ARHGEF38: variants seen among roughly 807,000 people sequenced by gnomAD.
ARHGEF38 encodes the protein Rho guanine nucleotide exchange factor 38.
Under a neutral mutation model 79.9 loss-of-function variants are expected in ARHGEF38, and 79 were observed. That is an observed-to-expected ratio of 0.99 (90% CI 0.82 to 1.19). ARHGEF38 has a LOEUF of 1.19. Ranked by LOEUF, ARHGEF38 falls within the 50% of genes most tolerant of loss-of-function variation. The probability of loss-of-function intolerance (pLI) is 0.00; values close to 1 mark genes in which losing one functional copy is unlikely to be tolerated. For synonymous variants in ARHGEF38, 366 were observed against 328.3 expected (o/e 1.11, Z -1.24); for missense variants, 962 against 907.2 (o/e 1.06, Z -0.78).
At chr4:105,565,456 T>C (rs976871301) in intron 1 of ARHGEF38, among the ~76,000 whole-genome samples, 7 of 152,082 alleles carry the variant, frequency 4.6e-5, no homozygotes. Flanking sequence ...TTTTTTGGGT[T>C]TATTGGGGCA....
chr4:105,655,783 CT>C, intron 9 of ARHGEF38, 61 bp downstream of exon 9: 3 of 1,465,292 alleles, frequency 2.0e-6, no homozygotes, highest in Non-Finnish European at 1.8e-6. Context: ...AGGAAAGCTG[CT>C]TTTTGTTTGT....
intron 7 of ARHGEF38, among the ~76,000 whole-genome samples, chr4:105,650,151 G>A (rs997076574): frequency 6.6e-6 from 1 of 152,140 alleles, no homozygotes; most frequent in African/African-American, 2.4e-5. Context: ...ACCTTTGAAT[G>A]TGCAGACTTT....
chr4:105,583,425 C>T (rs1341493851), intron 1 of ARHGEF38, among the ~76,000 whole-genome samples: 1 of 152,136 alleles, frequency 6.6e-6, no homozygotes, highest in Non-Finnish European at 1.5e-5. Context: ...GCTTCCTGTT[C>T]CTTAAATAGG....
At chr4:105,599,551 T>TG (rs376795150) in intron 2 of ARHGEF38, among the ~76,000 whole-genome samples, 39 of 152,314 alleles carry the variant, frequency 2.6e-4, no homozygotes, top group African/African-American at 8.9e-4. Context: ...TTGCTTTTTT[T>TG]TGTGCATGTG....
At chr4:105,645,652 A>T (rs1434600938) in intron 6 of ARHGEF38, among the ~76,000 whole-genome samples, 12 of 152,220 alleles carry the variant, frequency 7.9e-5, no homozygotes. Context: ...CTGGTGACAT[A>T]TTGTGGGCTG....
At chr4:105,666,538 A>G (rs1005300433) in intron 11 of ARHGEF38, among the ~76,000 whole-genome samples, 1 of 152,196 alleles carries the variant, frequency 6.6e-6, no homozygotes, top group African/African-American at 2.4e-5. Context: ...CAAAGTGCCT[A>G]AAATGACTAA....
At chr4:105,624,902 ACAGT>A (rs1728880373) in intron 3 of ARHGEF38, among the ~76,000 whole-genome samples, 1 of 152,198 alleles carries the variant, frequency 6.6e-6, no homozygotes, top group South Asian at 2.1e-4. Context: ...CAGGGAAATG[ACAGT>A]CAGAGGCCTG....
At chr4:105,602,012 C>T (rs1560714174) in intron 2 of ARHGEF38, among the ~76,000 whole-genome samples, 1 of 152,108 alleles carries the variant, frequency 6.6e-6, no homozygotes, top group Non-Finnish European at 1.5e-5. Flanking sequence ...TATACATGAG[C>T]AGCAATAAAT....
intron 1 of ARHGEF38, among the ~76,000 whole-genome samples, chr4:105,568,276 A>G (rs1351951572): frequency 6.6e-6 from 1 of 151,956 alleles, no homozygotes; most frequent in Non-Finnish European, 1.5e-5. Flanking sequence ...AATGCAAATC[A>G]AAACCACAAT....
intron 1 of ARHGEF38, among the ~76,000 whole-genome samples, chr4:105,578,225 T>A (rs1316674595): frequency 1.3e-5 from 2 of 152,172 alleles, no homozygotes; most frequent in African/African-American, 2.4e-5. Flanking sequence ...CATGTGTTTG[T>A]ATAGCTATGG....
At chr4:105,632,621 C>T (rs897988293) in intron 4 of ARHGEF38, 8 of 152,270 alleles carry the variant, frequency 5.3e-5, no homozygotes, top group African/African-American at 1.7e-4. Flanking sequence ...CCTTTCCTAC[C>T]TTAAACAAGT....
chr4:105,675,681 T>C (rs1024629587), intron 13 of ARHGEF38, among the ~76,000 whole-genome samples: 2 of 152,218 alleles, frequency 1.3e-5, no homozygotes, highest in Non-Finnish European at 2.9e-5. Flanking sequence ...ATAAACTGGT[T>C]GGCTTATAAA....
At chr4:105,561,444 A>AGAATAGAATAGAATAGAATGGAATG (rs1725561691) in intron 1 of ARHGEF38, 7 of 43,014 alleles carry the variant, frequency 1.6e-4, no homozygotes, top group Non-Finnish European at 3.1e-4. Context: ...AGAATAGAAT[A>AGAATAGAATAGAATAGAATGGAATG]GAATGGAATA....
At position 105,636,401 on chromosome 4, in the gene ARHGEF38, A is replaced by G. The variant is rs1157180726; in HGVS notation, c.657-2A>G. On this transcript the variant is annotated splice_acceptor_variant, in intron 4 of 13. Coordinates refer to ENST00000420470, the MANE Select transcript of ARHGEF38 (RefSeq NM_001242729.2). LOFTEE classifies it high-confidence loss of function. ...ATTTACTTTCTTTTTCTTCTCTTAC[A>G]GGAAAATATACATGCAAGAGTAAGT... 1 of 443,162 alleles carries G rather than the reference A, an allele frequency of 2.3e-6. No individual in the cohort carries two copies. The highest frequency in any genetic ancestry group is 3.4e-6 in the Non-Finnish European group (1 of 294,532). The allele number at this position is 443,162 out of a possible 1,614,324, so 27.5% of individuals were successfully genotyped here.
intron 2 of ARHGEF38, among the ~76,000 whole-genome samples, chr4:105,599,247 T>A (rs896733083): frequency 1.3e-5 from 2 of 152,302 alleles, no homozygotes; most frequent in East Asian, 1.9e-4. Flanking sequence ...GTCCTCCTTG[T>A]TGTTACATTT....
At chr4:105,608,324 G>T (rs1235460424) in intron 2 of ARHGEF38, among the ~76,000 whole-genome samples, 4 of 151,896 alleles carry the variant, frequency 2.6e-5, no homozygotes, top group Admixed American at 2.0e-4. Flanking sequence ...TAGTGATATT[G>T]AGCATTAAAT....
At chr4:105,658,895 C>G (rs968495506) in intron 9 of ARHGEF38, among the ~76,000 whole-genome samples, 159 bp from the exon 10 acceptor site, 7 of 152,118 alleles carry the variant, frequency 4.6e-5, no homozygotes, top group Non-Finnish European at 1.0e-4. Flanking sequence ...TAGGTTTAGC[C>G]AGACACAAAA....
chr4:105,630,848 T>G (rs2110517167), intron 3 of ARHGEF38, 50 bp from the exon 4 acceptor site: 1 of 1,515,996 alleles, frequency 6.6e-7, no homozygotes, highest in East Asian at 2.3e-5. Context: ...TCATGTGAAG[T>G]GCCAGCTTTG....
intron 1 of ARHGEF38, among the ~76,000 whole-genome samples, chr4:105,554,756 C>CAT (rs10670029): frequency 0.86 from 129,692 of 150,798 alleles, 55,736 homozygotes; most frequent in Non-Finnish European, 0.9. Flanking sequence ...TAGATAATTA[C>CAT]AAAACATCTA....
Sources: allele counts gnomAD v4.1 joint callset (sites outside exome capture counted in the v4.1 genomes callset), GRCh38; gene constraint gnomAD v4.1.1; transcripts MANE v1.5; gene names NCBI Gene and HGNC (gene_info 2026-07-23, HGNC 2026-07-21).